Variants in TMC1 observed in about 807,000 individuals in gnomAD.
The protein encoded by TMC1 is transmembrane channel-like protein 1.
In TMC1, 84 loss-of-function variants were observed where a neutral mutation model predicts 105.8. The ratio of observed to expected loss-of-function variants is 0.79; its 90% CI spans 0.67 to 0.95. The LOEUF is 0.95. TMC1 is among the 40% of genes least tolerant of loss of function. TMC1 has a pLI of 0.00. For synonymous variants in TMC1, 315 were observed against 311.5 expected, an observed-to-expected ratio of 1.01 and a Z score of -0.12; for missense variants, 817 against 914.1, an observed-to-expected ratio of 0.89 and a Z score of 1.37.
chr9:72,537,579 C>T (rs774880396), intron 1 of TMC1, among the ~76,000 whole-genome samples: 30 of 152,134 alleles, frequency 2.0e-4, no homozygotes, highest in Admixed American at 5.2e-4. Context: ...GTTTATTTTG[C>T]GATGGTTAAG....
intron 2 of TMC1, among the ~76,000 whole-genome samples, chr9:72,594,455 A>C (rs1473090892): frequency 6.6e-6 from 1 of 152,222 alleles, no homozygotes; most frequent in Non-Finnish European, 1.5e-5. Context: ...CAACTTTCTT[A>C]AATAAATCTT....
At chr9:72,647,732 G>C (rs1680674379) in intron 4 of TMC1, among the ~76,000 whole-genome samples, 1 of 147,620 alleles carries the variant, frequency 6.8e-6, no homozygotes, top group African/African-American at 2.5e-5. Context: ...AAATTGATTT[G>C]TGTAGCCAAA....
intron 2 of TMC1, among the ~76,000 whole-genome samples, chr9:72,599,007 A>G (rs1000787812): frequency 2.0e-5 from 3 of 152,186 alleles, no homozygotes; most frequent in Non-Finnish European, 4.4e-5. Flanking sequence ...AGGGAATGCC[A>G]GGGAGAAATC....
chr9:72,624,574 C>A (rs368614776), intron 3 of TMC1, among the ~76,000 whole-genome samples: 42 of 152,294 alleles, frequency 2.8e-4, no homozygotes, highest in African/African-American at 9.6e-4. Context: ...GGGAGGATTT[C>A]CCTTTACCTC....
chr9:72,575,305 C>T (rs1483513481), intron 1 of TMC1, among the ~76,000 whole-genome samples: 2 of 152,060 alleles, frequency 1.3e-5, no homozygotes, highest in Middle Eastern at 3.4e-3. Flanking sequence ...CTCAGCCTCC[C>T]GAGTAGCTAG....
intron 2 of TMC1, among the ~76,000 whole-genome samples, chr9:72,593,319 G>A (rs1175511815): frequency 6.6e-6 from 1 of 152,140 alleles, no homozygotes; most frequent in Non-Finnish European, 1.5e-5. Flanking sequence ...TGGAAGGATC[G>A]CTTGAAGCCA....
rs146953583 is a variant in TMC1, at chr9:72,622,276, G to A, written c.-195-5645G>A. 2.0e-3 allele frequency among the ~76,000 whole-genome samples: 297 copies of A among 152,280 alleles called. 4 individuals carry two copies. Among genetic ancestry groups the A allele is most frequent in the African/African-American group, 6.7e-3 (277 of 41,560 alleles). On this transcript the variant is annotated intron_variant, in intron 3 of 23. Coordinates refer to ENST00000297784, the MANE Select transcript of TMC1 (RefSeq NM_138691.3). Reference sequence around the variant, plus strand: ...CACCAAGCAAAGGAAGGTCACTCCTGTACACCAGCTTCCAACCACTCTCAT... The same window carrying A: ...CACCAAGCAAAGGAAGGTCACTCCTATACACCAGCTTCCAACCACTCTCAT...
At chr9:72,630,883 A>G (rs1825438133) in intron 4 of TMC1, among the ~76,000 whole-genome samples, 3 of 143,268 alleles carry the variant, frequency 2.1e-5, no homozygotes, top group Non-Finnish European at 3.1e-5. Flanking sequence ...TTTTTTTTCA[A>G]TTTGAGGCAG....
At chr9:72,631,490 A>G (rs1419816852) in intron 4 of TMC1, among the ~76,000 whole-genome samples, 1 of 152,228 alleles carries the variant, frequency 6.6e-6, no homozygotes, top group African/African-American at 2.4e-5. Flanking sequence ...TTCTAGAAAG[A>G]GAGAAATTAT....
chr9:72,767,812 T>A (rs1366177656), intron 12 of TMC1, among the ~76,000 whole-genome samples: 1 of 152,156 alleles, frequency 6.6e-6, no homozygotes, highest in Non-Finnish European at 1.5e-5. Context: ...CGTGCTGATA[T>A]CGAAATTGAA....
At chr9:72,638,501 T>A (rs992434544) in intron 4 of TMC1, among the ~76,000 whole-genome samples, 15 of 152,198 alleles carry the variant, frequency 9.9e-5, no homozygotes, top group African/African-American at 3.4e-4. Flanking sequence ...CTCACCGAAC[T>A]GCAGCAGCCC....
At chr9:72,694,198 G>T (rs1202487012) in intron 6 of TMC1, among the ~76,000 whole-genome samples, 1 of 152,052 alleles carries the variant, frequency 6.6e-6, no homozygotes, top group African/African-American at 2.4e-5. Flanking sequence ...TCTAAACTTG[G>T]ACTTATTTGA....
chr9:72,576,563 A>G (rs954160909), intron 1 of TMC1, among the ~76,000 whole-genome samples: 7 of 151,066 alleles, frequency 4.6e-5, no homozygotes, highest in African/African-American at 1.7e-4. Context: ...TTCCTGCCCA[A>G]TGCCAAGGGA....
intron 1 of TMC1, among the ~76,000 whole-genome samples, chr9:72,574,279 C>T (rs1824337499): frequency 6.6e-6 from 1 of 152,190 alleles, no homozygotes; most frequent in Admixed American, 6.5e-5. Flanking sequence ...TCCTCCAGTA[C>T]AGATGGTTAA....
At chr9:72,811,472 A>G (rs1469676753) in intron 18 of TMC1, among the ~76,000 whole-genome samples, 1 of 152,166 alleles carries the variant, frequency 6.6e-6, no homozygotes, top group Non-Finnish European at 1.5e-5. Flanking sequence ...TAACTGCTCT[A>G]ATTTAATACA....
At chr9:72,531,566 C>G (rs540229104) in intron 1 of TMC1, among the ~76,000 whole-genome samples, 26 of 152,322 alleles carry the variant, frequency 1.7e-4, no homozygotes, top group African/African-American at 6.0e-4. Flanking sequence ...AAGTTCAGCT[C>G]TGCACCTCTC....
intron 5 of TMC1, chr9:72,655,782 C>A (rs1345052546): frequency 1.8e-5 from 10 of 567,420 alleles, no homozygotes; most frequent in Admixed American, 2.7e-5. Flanking sequence ...ATGCTTGTTT[C>A]ATTTTTTTTT....
chr9:72,619,744 A>G (rs1825208245), intron 3 of TMC1, among the ~76,000 whole-genome samples: 1 of 151,868 alleles, frequency 6.6e-6, no homozygotes, highest in African/African-American at 2.4e-5. Flanking sequence ...GTTATAGACA[A>G]TGCTTGTACC....
intron 8 of TMC1, 74 bp from the exon 9 acceptor site, chr9:72,740,045 A>G (rs1054756480): frequency 4.4e-5 from 51 of 1,156,826 alleles, no homozygotes; most frequent in Admixed American, 2.7e-4. Flanking sequence ...GTAAATTCAA[A>G]TGTCCACTAC....
Sources: allele counts gnomAD v4.1 joint callset (sites outside exome capture counted in the v4.1 genomes callset), GRCh38; gene constraint gnomAD v4.1.1; transcripts MANE v1.5; gene names NCBI Gene and HGNC (gene_info 2026-07-23, HGNC 2026-07-21).